SCARB2: variants seen among roughly 807,000 people sequenced by gnomAD.
SCARB2 encodes the protein lysosome membrane protein 2.
In SCARB2, 29 loss-of-function variants were observed where a neutral mutation model predicts 58.6. The ratio of observed to expected loss-of-function variants is 0.49; its 90% CI spans 0.37 to 0.67. The LOEUF is 0.67. Among genes scored for constraint, SCARB2 ranks in the 30% least tolerant of loss-of-function variants. The probability of loss-of-function intolerance (pLI) is 0.00; values close to 1 mark genes in which losing one functional copy is unlikely to be tolerated. For missense variants in SCARB2, 488 were observed against 578.5 expected (o/e 0.84, Z 1.60); for synonymous variants, 195 against 210.1 (o/e 0.93, Z 0.62).
chr4:76,161,532 A>C lies in SCARB2; in HGVS notation c.*181T>G. 1 of 651,644 alleles carries C rather than the reference A, an allele frequency of 1.5e-6. No individual in the cohort carries two copies. Among genetic ancestry groups the C allele is most frequent in the Non-Finnish European group, 2.7e-6 (1 of 363,682 alleles). 40.4% of individuals were successfully genotyped at this position (651,644 alleles called of 1,614,324 possible). A position where few individuals can be genotyped will look rare whatever the true frequency, so the allele number is the denominator to read the frequency against. ...AGCCCACATGATTTTATAAAGCTTA[A>C]TGGCCAGCCATGTCAGCCTGCTCTT... On this transcript the variant is annotated 3_prime_UTR_variant, in exon 12 of 12. Coordinates refer to ENST00000264896, the MANE Select transcript of SCARB2 (RefSeq NM_005506.4).
chr4:76,201,308 T>C (rs563760250), intron 1 of SCARB2, among the ~76,000 whole-genome samples: 1 of 152,216 alleles, frequency 6.6e-6, no homozygotes, highest in African/African-American at 2.4e-5. Flanking sequence ...TCTGCTTTCA[T>C]GAAACTTCAC....
At chr4:76,228,632 T>C (rs7675593) in intron 1 of SCARB2, among the ~76,000 whole-genome samples, 56,956 of 152,138 alleles carry the variant, frequency 0.37, 12,191 homozygotes, top group Non-Finnish European at 0.49. Context: ...GGATAAACTA[T>C]TCTTGGCTGC....
At chr4:76,213,078 G>C (rs1268531854) in intron 1 of SCARB2, 1 of 349,998 alleles carries the variant, frequency 2.9e-6, no homozygotes, top group East Asian at 7.2e-5. Flanking sequence ...CTTTCATTCA[G>C]TTCTGTTTCT....
intron 2 of SCARB2, among the ~76,000 whole-genome samples, chr4:76,181,570 T>C (rs1352314385): frequency 6.6e-6 from 1 of 152,174 alleles, no homozygotes; most frequent in East Asian, 1.9e-4. Flanking sequence ...AGTTCACTCC[T>C]GTTTCTTTTT....
upstream of SCARB2, among the ~76,000 whole-genome samples, chr4:76,214,989 C>T (rs1408172489): frequency 4.6e-5 from 7 of 152,196 alleles, no homozygotes; most frequent in East Asian, 1.3e-3. Context: ...TCAGCAAGGC[C>T]ATTGGGGTGG....
intron 2 of SCARB2, among the ~76,000 whole-genome samples, chr4:76,182,919 A>C (rs1381316947): frequency 6.6e-6 from 1 of 150,842 alleles, no homozygotes; most frequent in African/African-American, 2.5e-5. Flanking sequence ...TCGTCATTGG[A>C]GGGGCATGCC....
chr4:76,176,777 T>G, intron 4 of SCARB2: 1 of 396,898 alleles, frequency 2.5e-6, no homozygotes, highest in South Asian at 3.6e-5. Flanking sequence ...GAGGAGGAAT[T>G]CTCCTCAAGA....
intron 2 of SCARB2, 62 bp from the exon 3 acceptor site, chr4:76,181,163 C>G (rs1732376109): frequency 6.6e-7 from 1 of 1,523,756 alleles, no homozygotes; most frequent in Admixed American, 1.7e-5. Context: ...AAGACTTTTC[C>G]TTTCTTTCAG....
At chr4:76,194,832 T>C (rs1021377132) in intron 2 of SCARB2, 2 of 152,130 alleles carry the variant, frequency 1.3e-5, no homozygotes, top group African/African-American at 2.4e-5. Context: ...AGCGTCTCCC[T>C]CTACTAATCG....
intron 1 of SCARB2, among the ~76,000 whole-genome samples, chr4:76,223,264 G>A (rs1302957062): frequency 2.0e-5 from 3 of 152,166 alleles, no homozygotes; most frequent in African/African-American, 7.2e-5. Context: ...AACACATACA[G>A]TGCTTGGCCT....
At chr4:76,169,365 A>C (rs1211321402) in intron 8 of SCARB2, among the ~76,000 whole-genome samples, 2 of 146,064 alleles carry the variant, frequency 1.4e-5, no homozygotes, top group African/African-American at 5.3e-5. Flanking sequence ...CTCTATGTAT[A>C]TCTGATACCT....
intron 4 of SCARB2, chr4:76,179,187 G>A (rs1360107137): frequency 2.1e-5 from 7 of 330,800 alleles, no homozygotes; most frequent in Admixed American, 4.2e-5. Flanking sequence ...CTGAGTAGGT[G>A]AGATTACAGG....
chr4:76,196,930 G>T (rs1337030598), intron 1 of SCARB2, among the ~76,000 whole-genome samples: 1 of 152,198 alleles, frequency 6.6e-6, no homozygotes, highest in African/African-American at 2.4e-5. Flanking sequence ...TCTTTAAAGA[G>T]CTGATGAAGG....
intron 2 of SCARB2, among the ~76,000 whole-genome samples, chr4:76,187,112 A>G (rs1303577037): frequency 4.6e-5 from 7 of 152,216 alleles, no homozygotes; most frequent in Admixed American, 4.6e-4. Context: ...CTAAATTGCA[A>G]GGAAGACACT....
At chr4:76,169,341 C>CACACACACA (rs3217498) in intron 8 of SCARB2, among the ~76,000 whole-genome samples, 57 of 151,236 alleles carry the variant, frequency 3.8e-4, no homozygotes, top group African/African-American at 1.4e-3. Context: ...CACACACACA[C>CACACACACA]GTGTGTATGT....
chr4:76,195,841 A>C lies in SCARB2; in HGVS notation c.141T>G (p.Thr47=). The C allele has an allele frequency of 6.2e-7, 1 of 1,612,484 alleles. No homozygotes were observed. The highest frequency in any genetic ancestry group is 8.5e-7 in the Non-Finnish European group (1 of 1,179,476). ...GCTTCTCCCAGGAGTCAAATGCCTC[A>C]GTACCATTCCTTAACACAATTTTCT... ...IEKKIVLRNG[T]EAFDSWEKPP... is the part of the protein sequence containing the mutation. Residue 47 remains threonine, a synonymous_variant, in exon 2 of 12, where the codon ACT becomes ACG. Transcript: ENST00000264896.
intron 6 of SCARB2, chr4:76,175,579 T>G (rs2109943316): frequency 1.7e-6 from 1 of 601,402 alleles, no homozygotes; most frequent in Non-Finnish European, 2.9e-6. Flanking sequence ...CACACAGCTA[T>G]AAGTGGTAGA....
chr4:76,227,227 C>T (rs1436458146), intron 1 of SCARB2, among the ~76,000 whole-genome samples: 2 of 152,086 alleles, frequency 1.3e-5, no homozygotes, highest in African/African-American at 4.8e-5. Flanking sequence ...AGTTGTGTCA[C>T]TATTATCGTT....
chr4:76,172,649 T>G (rs947249505), intron 7 of SCARB2: 1 of 151,796 alleles, frequency 6.6e-6, no homozygotes, highest in Non-Finnish European at 1.5e-5. Context: ...TACTGCTGAC[T>G]TCAGACTTAT....
Sources: allele counts gnomAD v4.1 joint callset (sites outside exome capture counted in the v4.1 genomes callset), GRCh38; gene constraint gnomAD v4.1.1; transcripts MANE v1.5; gene names NCBI Gene and HGNC (gene_info 2026-07-23, HGNC 2026-07-21).